Variants in NRG3 observed in about 807,000 individuals in gnomAD.
NRG3 encodes neuregulin 3.
In NRG3, 31 loss-of-function variants were observed where a neutral mutation model predicts 66.9. That is an observed-to-expected ratio of 0.46 (90% CI 0.35 to 0.63). The LOEUF is 0.63. NRG3 is among the 20% of genes least tolerant of loss of function. The pLI, the probability that NRG3 is intolerant of heterozygous loss-of-function variation, is 0.00. For synonymous variants in NRG3, 393 were observed against 359.4 expected (o/e 1.09, Z -1.06); for missense variants, 910 against 878.9 (o/e 1.04, Z -0.45).
At chr10:82,347,658 A>C (rs1328265153) in intron 1 of NRG3, among the ~76,000 whole-genome samples, 1 of 152,044 alleles carries the variant, frequency 6.6e-6, no homozygotes, top group Non-Finnish European at 1.5e-5. Context: ...TCTAATGTTG[A>C]CAGTGGGGTG....
chr10:82,259,615 CA>C (rs2077914100), intron 1 of NRG3, among the ~76,000 whole-genome samples: 1 of 152,094 alleles, frequency 6.6e-6, no homozygotes, highest in African/African-American at 2.4e-5. Context: ...ATGGAGTTTG[CA>C]AACACTGACC....
At chr10:81,985,908 C>T (rs1350650325) in intron 1 of NRG3, among the ~76,000 whole-genome samples, 5 of 152,134 alleles carry the variant, frequency 3.3e-5, no homozygotes, top group African/African-American at 1.2e-4. Context: ...AAATCTGTAT[C>T]AGTCATTTCA....
intron 2 of NRG3, among the ~76,000 whole-genome samples, chr10:82,460,143 T>C (rs1022314631): frequency 3.9e-5 from 6 of 152,180 alleles, no homozygotes; most frequent in Admixed American, 6.5e-5. Context: ...TTGCCATTTT[T>C]CTTATGTGTA....
chr10:82,431,231 T>C (rs1186118795), intron 2 of NRG3, among the ~76,000 whole-genome samples: 7 of 152,094 alleles, frequency 4.6e-5, no homozygotes, highest in Non-Finnish European at 5.9e-5. Context: ...AGCTTTTCCA[T>C]GAGGAAAAGC....
chr10:82,216,464 G>GTA (rs1348892480), intron 1 of NRG3, among the ~76,000 whole-genome samples: 2 of 133,438 alleles, frequency 1.5e-5, no homozygotes, highest in African/African-American at 5.9e-5. Flanking sequence ...ATATATATGT[G>GTA]TGTGTGTGTG....
intron 2 of NRG3, among the ~76,000 whole-genome samples, chr10:82,502,968 G>T (rs957716068): frequency 6.6e-6 from 1 of 152,078 alleles, no homozygotes; most frequent in East Asian, 1.9e-4. Context: ...CTTCCAATTT[G>T]ATTTGTCTGA....
intron 2 of NRG3, among the ~76,000 whole-genome samples, chr10:82,590,786 G>A (rs2046940198): frequency 6.6e-6 from 1 of 152,190 alleles, no homozygotes; most frequent in Non-Finnish European, 1.5e-5. Flanking sequence ...CCTAGATCTT[G>A]CAGTTTGGAA....
chr10:82,668,313 T>C (rs1026364956), intron 2 of NRG3, among the ~76,000 whole-genome samples: 2 of 152,238 alleles, frequency 1.3e-5, no homozygotes, highest in Non-Finnish European at 2.9e-5. Context: ...CACTCTTAAA[T>C]GATCCTGAAT....
intron 1 of NRG3, among the ~76,000 whole-genome samples, chr10:82,200,812 G>A (rs912433008): frequency 6.6e-6 from 1 of 152,060 alleles, no homozygotes; most frequent in African/African-American, 2.4e-5. Context: ...CAGAAAAAGG[G>A]CTTGCAATGT....
At chr10:82,642,991 T>C (rs958319993) in intron 2 of NRG3, among the ~76,000 whole-genome samples, 2 of 152,042 alleles carry the variant, frequency 1.3e-5, no homozygotes, top group African/African-American at 4.8e-5. Flanking sequence ...TTTAAAATAA[T>C]TTTAGGGCGG....
At chr10:82,178,967 T>G in intron 1 of NRG3, among the ~76,000 whole-genome samples, 1 of 152,116 alleles carries the variant, frequency 6.6e-6, no homozygotes, top group East Asian at 1.9e-4. Context: ...ATTATAATTT[T>G]GATTTTCATT....
chr10:82,982,133 CG>C (rs1184004073), intron 8 of NRG3, among the ~76,000 whole-genome samples: 2 of 152,070 alleles, frequency 1.3e-5, no homozygotes, highest in East Asian at 3.9e-4. Flanking sequence ...GATTTGTAAA[CG>C]GAATATCTAA....
intron 2 of NRG3, among the ~76,000 whole-genome samples, chr10:82,471,428 A>G (rs116749294): frequency 6.6e-6 from 1 of 152,186 alleles, no homozygotes; most frequent in African/African-American, 2.4e-5. Context: ...CACCTGAACT[A>G]TTGAGAGATC....
rs142006457 is a variant in NRG3, at chr10:82,954,886, C to T, written c.1157+3315C>T. On this transcript the variant is annotated intron_variant, in intron 5 of 8. Coordinates refer to ENST00000372141, the MANE Select transcript of NRG3 (RefSeq NM_001010848.4). ...GGGAGAACAGAATATCCAAACTCTA[C>T]CTTGACCTTCCCTTACTTTCACTCA... is the stretch of plus-strand genomic sequence containing the variant. 5.2e-3 allele frequency among the ~76,000 whole-genome samples: 790 copies of T among 151,570 alleles called. 21 individuals are homozygous for T. Among genetic ancestry groups the T allele is most frequent in the African/African-American group, 0.018 (750 of 41,092 alleles).
chr10:82,294,292 C>G (rs1219805851), intron 1 of NRG3, among the ~76,000 whole-genome samples: 1 of 152,064 alleles, frequency 6.6e-6, no homozygotes, highest in African/African-American at 2.4e-5. Context: ...TGGATTGATC[C>G]GAGGTGAATA....
chr10:82,618,670 A>G (rs1452030970), intron 2 of NRG3, among the ~76,000 whole-genome samples: 2 of 152,190 alleles, frequency 1.3e-5, no homozygotes, highest in Non-Finnish European at 2.9e-5. Flanking sequence ...TAAAAAATAT[A>G]TAAAAACTTC....
Position 82,833,749 on chromosome 10 carries a change from T to C in NRG3, c.1028-31662T>C, listed in dbSNP as rs2062643932. 2.0e-5 allele frequency among the ~76,000 whole-genome samples: 3 copies of C among 152,176 alleles called. No homozygotes were observed. In the South Asian group the frequency reaches 6.2e-4, roughly 31 times the overall value. Reference sequence around the variant, plus strand: ...GCACTACGTGCCATGACACACACATTTGAAGTTTTTTTCAGAATCTTCCAT... The same window carrying C: ...GCACTACGTGCCATGACACACACATCTGAAGTTTTTTTCAGAATCTTCCAT... On this transcript the variant is annotated intron_variant, in intron 3 of 8. Transcript: ENST00000372141.
intron 1 of NRG3, among the ~76,000 whole-genome samples, chr10:81,923,032 A>T (rs1846397665): frequency 6.6e-6 from 1 of 152,232 alleles, no homozygotes; most frequent in Admixed American, 6.5e-5. Flanking sequence ...CAGATTTTCT[A>T]ATGCCTCTAG....
At chr10:82,509,760 C>T (rs1845001423) in intron 2 of NRG3, among the ~76,000 whole-genome samples, 1 of 152,132 alleles carries the variant, frequency 6.6e-6, no homozygotes, top group Non-Finnish European at 1.5e-5. Context: ...ATAATTACGA[C>T]TGGTATTTTC....
Sources: gnomAD v4.1 joint callset for allele counts (sites outside exome capture counted in the v4.1 genomes callset) on GRCh38, gnomAD v4.1.1 for gene constraint, MANE v1.5 for transcripts, NCBI Gene and HGNC (gene_info 2026-07-23, HGNC 2026-07-21) for gene names.